Variants in PANK4 observed in about 807,000 individuals in gnomAD.
PANK4 encodes 4'-phosphopantetheine phosphatase.
In PANK4, 40 loss-of-function variants were observed where a neutral mutation model predicts 87.9. The ratio of observed to expected loss-of-function variants is 0.46; its 90% CI spans 0.35 to 0.59. The LOEUF (loss-of-function observed/expected upper bound fraction) is 0.59. Ranked by LOEUF, PANK4 falls within the 20% of genes least tolerant of loss-of-function variation. PANK4 has a pLI of 0.00. For missense variants in PANK4, 926 were observed against 1,072.3 expected (o/e 0.86, Z 1.90); for synonymous variants, 524 against 467.4 (o/e 1.12, Z -1.56).
rs1176521327 is a variant in PANK4, at chr1:2,510,777, G to A, written c.1839C>T (p.Pro613=). The change falls in exon 16 of 19, where the codon CCC becomes CCT. Residue 613 remains proline (P), a synonymous_variant. Coordinates refer to ENST00000378466, the MANE Select transcript of PANK4 (RefSeq NM_018216.4). This position sits in a 1 kb window ranked among gnomAD's most constrained non-coding sequence, Gnocchi z 4.9. ...CGAAAATTAAGGCACATTTATGAGG[G>A]GGCCCCTGTAAGACAAAACCAGGAC... ...YSEWLQRLKG[P]PHKCALIFAD... 2 of 1,606,748 alleles carry A rather than the reference G, an allele frequency of 1.2e-6. No individual in the cohort carries two copies. Among genetic ancestry groups the A allele is most frequent in the Non-Finnish European group, 1.7e-6 (2 of 1,174,146 alleles).
rs368343599 is a variant in PANK4, at chr1:2,510,208, G to A, written c.1939-51C>T. ...TAGGAACCTGTGCTGGCCCAGCATG[G>A]AGCCTGCGTGCACCCCGGCCTTCGA... is the stretch of plus-strand genomic sequence containing the variant. On this transcript the variant is annotated intron_variant, in intron 16 of 18. Transcript: ENST00000378466. This position sits in a 1 kb window ranked among gnomAD's most constrained non-coding sequence, Gnocchi z 4.9. 2.0e-5 allele frequency: 24 copies of A among 1,192,738 alleles called. No homozygotes were observed. Among genetic ancestry groups the A allele is most frequent in the Middle Eastern group, 2.3e-4 (1 of 4,298 alleles). 73.9% of individuals were successfully genotyped at this position (1,192,738 alleles called of 1,614,324 possible).
intron 12 of PANK4, 88 bp from the exon 13 acceptor site, chr1:2,513,127 A>C: frequency 2.8e-6 from 4 of 1,404,334 alleles, no homozygotes; most frequent in South Asian, 1.4e-5. Context: ...GTTCCATACC[A>C]CGCCCCTCAG....
rs766202641 is a variant in PANK4 at position 2,519,990 on chromosome 1, G to C, written c.700-36C>G. On this transcript the variant is annotated intron_variant, in intron 5 of 18. Coordinates refer to ENST00000378466, the MANE Select transcript of PANK4 (RefSeq NM_018216.4). The surrounding 1 kb of genome is among the most constrained non-coding windows in gnomAD (Gnocchi z 8.3). ...CGGCGAGGGGGCGGGTGAGGCGCCAGGAGCTGCTGGAATCCCCACGACCCC... is the reference window on the plus strand; with the variant it reads ...CGGCGAGGGGGCGGGTGAGGCGCCACGAGCTGCTGGAATCCCCACGACCCC... 1.3e-6 allele frequency: 2 copies of C among 1,516,178 alleles called. No individual in the cohort carries two copies. The highest frequency in any genetic ancestry group is 2.8e-5 in the African/African-American group (2 of 72,432). 93.9% of individuals were successfully genotyped at this position (1,516,178 alleles called of 1,614,324 possible).
intron 8 of PANK4, 66 bp downstream of exon 8, chr1:2,518,450 T>C: frequency 7.1e-7 from 1 of 1,413,032 alleles, no homozygotes; most frequent in East Asian, 2.5e-5. Flanking sequence ...CGCCCTGGCC[T>C]GGAGCACAGG....
Position 2,515,698 on chromosome 1 carries a change from T to C in PANK4, c.1238A>G (p.Asp413Gly). 6.2e-7 allele frequency: 1 copy of C among 1,612,812 alleles called. No homozygotes were observed. The highest frequency in any genetic ancestry group is 8.5e-7 in the Non-Finnish European group (1 of 1,179,858). The change falls in exon 10 of 19, where the codon GAC becomes GGC. Residue 413 changes from aspartate (D) to glycine (G), a missense_variant. Physicochemically the swap from Asp to Gly is moderately conservative, Grantham distance 94. Transcript: ENST00000378466. This position sits in a 1 kb window ranked among gnomAD's most constrained non-coding sequence, Gnocchi z 5.0. ...RSGTFDLLEM[D>G]RLERPLVDLP... ...GTCAACCAGTGGCCTCTCCAGCCGG[T>C]CCATTTCCAGCAAGTCAAACTGGAA...
At chr1:2,513,123 TACC>T in intron 12 of PANK4, 84 bp from the exon 13 acceptor site, 1 of 1,427,014 alleles carries the variant, frequency 7.0e-7, no homozygotes, top group South Asian at 1.3e-5. Flanking sequence ...GCCTGTTCCA[TACC>T]ACGCCCCTCA....
In PANK4 at chr1:2,508,610, A is replaced by ATT. The variant is rs1375498655; in HGVS notation, c.*235_*236dup. The stretch of plus-strand genomic sequence containing the variant: ...CAGACATACCTGTATAGATCTCTCT[A>ATT]TTTATATATATATATATATAAAAGG... On this transcript the variant is annotated 3_prime_UTR_variant, in exon 19 of 19. Transcript: ENST00000378466. This position sits in a 1 kb window ranked among gnomAD's most constrained non-coding sequence, Gnocchi z 5.1. 7.0e-4 allele frequency: 155 copies of ATT among 222,518 alleles called. No individual in the cohort carries two copies. The highest frequency in any genetic ancestry group is 1.1e-3 in the Non-Finnish European group (142 of 128,596). 13.8% of individuals were successfully genotyped at this position (222,518 alleles called of 1,614,324 possible). A position where few individuals can be genotyped will look rare whatever the true frequency, so the allele number is the denominator to read the frequency against.
At position 2,515,100 on chromosome 1, in the gene PANK4, G is replaced by A. The variant is rs537631068; in HGVS notation, c.1374+462C>T. On this transcript the variant is annotated intron_variant, in intron 10 of 18. Transcript: ENST00000378466. The surrounding 1 kb of genome is among the most constrained non-coding windows in gnomAD (Gnocchi z 5.0). Reference sequence around the variant, plus strand: ...GAGCTGAGCTCCTGAGGGGCAGCGTGGCCCAGGGCCTGGCATTTGCTCCAC... The same window carrying A: ...GAGCTGAGCTCCTGAGGGGCAGCGTAGCCCAGGGCCTGGCATTTGCTCCAC... Among the ~76,000 whole-genome samples the A allele has an allele frequency of 1.5e-4, 23 of 152,300 alleles. No individual in the cohort carries two copies. The highest frequency in any genetic ancestry group is 5.1e-4 in the African/African-American group (21 of 41,564).
chr1:2,519,675 G>A lies in PANK4; in HGVS notation c.853+126C>T. 1.0e-6 allele frequency: 1 copy of A among 996,340 alleles called. No individual in the cohort carries two copies. The allele number at this position is 996,340 out of a possible 1,614,324, so 61.7% of individuals were successfully genotyped here. A position where few individuals can be genotyped will look rare whatever the true frequency, so the allele number is the denominator to read the frequency against. On this transcript the variant is annotated intron_variant, in intron 6 of 18. Coordinates refer to ENST00000378466, the MANE Select transcript of PANK4 (RefSeq NM_018216.4). The surrounding 1 kb of genome is among the most constrained non-coding windows in gnomAD (Gnocchi z 8.3). Reference sequence around the variant, plus strand: ...CTCGGCAGGAAGAGGTTACAGGGCTGACACCCAAGACCCCGACTCTCCAGG... The same window carrying A: ...CTCGGCAGGAAGAGGTTACAGGGCTAACACCCAAGACCCCGACTCTCCAGG...
At position 2,521,739 on chromosome 1, in the gene PANK4, C is replaced by A. The variant is rs1346245690; in HGVS notation, c.186G>T (p.Arg62=). The A allele has an allele frequency of 6.2e-7, 1 of 1,613,886 alleles. No individual in the cohort carries two copies. The highest frequency in any genetic ancestry group is 8.5e-7 in the Non-Finnish European group (1 of 1,179,990). The change falls in exon 2 of 19, where the codon CGG becomes CGT. Residue 62 remains arginine, a synonymous_variant. Coordinates refer to ENST00000378466, the MANE Select transcript of PANK4 (RefSeq NM_018216.4). ...TCACCTTTCCGGAGTGGTCGAAAGA[C>A]CGCACCTTGGCGACTTTGTGCTGTA... The part of the protein sequence containing the change: ...STVQHKVAKV[R]SFDHSGKDTE...
chr1:2,515,828 C>A lies in PANK4; in HGVS notation c.1219-111G>T. On this transcript the variant is annotated intron_variant, in intron 9 of 18. Coordinates refer to ENST00000378466, the MANE Select transcript of PANK4 (RefSeq NM_018216.4). The surrounding 1 kb of genome is among the most constrained non-coding windows in gnomAD (Gnocchi z 5.0). Reference sequence around the variant, plus strand: ...AAGAAGGGAGATGTACTGCCTTCTTCCGCCACGTCTCTGGGCCACAGACGA... The same window carrying A: ...AAGAAGGGAGATGTACTGCCTTCTTACGCCACGTCTCTGGGCCACAGACGA... 1 of 1,083,434 alleles carries A rather than the reference C, an allele frequency of 9.2e-7. No individual in the cohort carries two copies. The allele number at this position is 1,083,434 out of a possible 1,614,324, so 67.1% of individuals were successfully genotyped here.
intron 15 of PANK4, 113 bp downstream of exon 15, chr1:2,511,225 C>CT (rs1643655348): frequency 2.7e-6 from 2 of 740,534 alleles, no homozygotes; most frequent in African/African-American, 1.7e-5. Context: ...TGGTGAGACT[C>CT]TAACAGGAGG....
chr1:2,519,385 G>A lies in PANK4; in HGVS notation c.854-61C>T, dbSNP rs908703189. The A allele has an allele frequency of 7.4e-6, 7 of 949,594 alleles. No individual in the cohort carries two copies. Among genetic ancestry groups the A allele is most frequent in the African/African-American group, 1.8e-5 (1 of 56,728 alleles). The allele number at this position is 949,594 out of a possible 1,614,324, so 58.8% of individuals were successfully genotyped here. ...TACAGCAAGTGCACGACATGAGAGC[G>A]AGCAGGAGGGGAGGGGGAGAGAGAG... On this transcript the variant is annotated intron_variant, in intron 6 of 18. Coordinates refer to ENST00000378466, the MANE Select transcript of PANK4 (RefSeq NM_018216.4). This position sits in a 1 kb window ranked among gnomAD's most constrained non-coding sequence, Gnocchi z 8.3.
chr1:2,521,400 C>A, intron 2 of PANK4, 85 bp from the exon 3 acceptor site: 1 of 1,082,604 alleles, frequency 9.2e-7, no homozygotes, highest in Non-Finnish European at 1.4e-6. Flanking sequence ...GTGGAGCTGG[C>A]TGTTCGCGCC....
rs1350547022 is a variant in PANK4, at chr1:2,526,581, C to G, written c.7G>C (p.Glu3Gln). The G allele has an allele frequency of 1.2e-6, 2 of 1,601,124 alleles. No homozygotes were observed. Among genetic ancestry groups the G allele is most frequent in the Admixed American group, 3.4e-5 (2 of 58,866 alleles). The change falls in exon 1 of 19, where the codon GAG (glutamate) becomes CAG (glutamine). Residue 3 changes from glutamate (E) to glutamine (Q), a missense_variant. Glu to Gln is a conservative substitution (Grantham distance 29). Transcript: ENST00000378466. ...CTCCCGCTGCCGCTCGCTCCACACTCCGCCATTTTGAAAGTGCCCGGCCAG... is the reference window on the plus strand; with the variant it reads ...CTCCCGCTGCCGCTCGCTCCACACTGCGCCATTTTGAAAGTGCCCGGCCAG... MAECGASGSGSSG... is the reference protein window; with the variant it reads MAQCGASGSGSSG...
intron 1 of PANK4, among the ~76,000 whole-genome samples, chr1:2,523,776 G>A (rs1267435910): frequency 2.6e-5 from 4 of 152,326 alleles, no homozygotes; most frequent in African/African-American, 9.6e-5. Flanking sequence ...GCCTGCGGGC[G>A]GGGACCCTTC....
rs938358384 is a variant in PANK4 at position 2,508,802 on chromosome 1, A to C, written c.*45T>G. On this transcript the variant is annotated 3_prime_UTR_variant, in exon 19 of 19. Coordinates refer to ENST00000378466, the MANE Select transcript of PANK4 (RefSeq NM_018216.4). The surrounding 1 kb of genome is among the most constrained non-coding windows in gnomAD (Gnocchi z 5.1). The stretch of plus-strand genomic sequence containing the variant: ...AGTTTCCCTGTGGTGGTAAAAACAC[A>C]TTCCTGACAAGTGACAAGCAGAAGA... The C allele has an allele frequency of 8.3e-7, 1 of 1,206,672 alleles. No individual in the cohort carries two copies. Among genetic ancestry groups the C allele is most frequent in the African/African-American group, 1.5e-5 (1 of 66,806 alleles). The allele number at this position is 1,206,672 out of a possible 1,614,324, so 74.7% of individuals were successfully genotyped here. A position where few individuals can be genotyped will look rare whatever the true frequency, so the allele number is the denominator to read the frequency against.
chr1:2,526,281 G>C (rs976313226), intron 1 of PANK4, 183 bp downstream of exon 1: 1 of 185,392 alleles, frequency 5.4e-6, no homozygotes, highest in Non-Finnish European at 1.0e-5. Flanking sequence ...CCGCGCATCA[G>C]CGACCCTGCG....
rs1400061736 is a variant in PANK4, at chr1:2,509,601, A to G, written c.2108+261T>C. Among the ~76,000 whole-genome samples the G allele has an allele frequency of 2.0e-5, 3 of 152,174 alleles. No homozygotes were observed. ...CCCTCGGTCTCAGCTGAGTGGCCAC[A>G]GGGACATTGGCCCCTCTTGCCCCAA... On this transcript the variant is annotated intron_variant, in intron 18 of 18. Transcript: ENST00000378466. This position sits in a 1 kb window ranked among gnomAD's most constrained non-coding sequence, Gnocchi z 4.9.
Sources: allele counts gnomAD v4.1 joint callset (sites outside exome capture counted in the v4.1 genomes callset), GRCh38; gene constraint gnomAD v4.1.1; non-coding constraint Gnocchi (gnomAD v3.1); transcripts MANE v1.5; gene names NCBI Gene and HGNC (gene_info 2026-07-23, HGNC 2026-07-21).